Variants in NGDN observed in about 807,000 individuals in gnomAD.
NGDN encodes EIF4E-binding protein.
Under a neutral mutation model 45.2 loss-of-function variants are expected in NGDN, and 41 were observed. That is an observed-to-expected ratio of 0.91 (90% CI 0.71 to 1.18). The LOEUF (loss-of-function observed/expected upper bound fraction) is 1.18, where lower values mean the gene tolerates loss of function less well. Among genes scored for constraint, NGDN ranks in the 50% most tolerant of loss-of-function variants. The pLI is 0.00. For missense variants in NGDN, 402 were observed against 399.9 expected, an observed-to-expected ratio of 1.01 and a Z score of -0.05; for synonymous variants, 137 against 130.9, an observed-to-expected ratio of 1.05 and a Z score of -0.32.
chr14:23,474,925 G>A (rs1356635042), intron 3 of NGDN, among the ~76,000 whole-genome samples: 1 of 152,098 alleles, frequency 6.6e-6, no homozygotes, highest in Non-Finnish European at 1.5e-5. Flanking sequence ...TTTTGGGGGG[G>A]TAGTTTATTG....
At chr14:23,473,578 G>A (rs1471300034) in intron 3 of NGDN, among the ~76,000 whole-genome samples, 1 of 152,006 alleles carries the variant, frequency 6.6e-6, no homozygotes, top group Non-Finnish European at 1.5e-5. Context: ...TGTAATCCCA[G>A]TGCTTTGGGA....
Position 23,471,195 on chromosome 14 carries a change from A to C in NGDN, c.144+218A>C, listed in dbSNP as rs1893770106. 5.2e-5 allele frequency: 20 copies of C among 387,236 alleles called. No homozygotes were observed. The East Asian group carries it at 7.6e-4, about 15-fold the overall frequency. 24.0% of individuals were successfully genotyped at this position (387,236 alleles called of 1,614,324 possible). A position where few individuals can be genotyped will look rare whatever the true frequency, so the allele number is the denominator to read the frequency against. On this transcript the variant is annotated intron_variant, in intron 3 of 10. Coordinates refer to ENST00000408901, the MANE Select transcript of NGDN (RefSeq NM_001042635.2). ...TACAGAGTTATGAGTCTCCAGCCAA[A>C]GAGAGGGATTAATTAACTGCCAGAA...
chr14:23,472,499 G>GA (rs1273157553), intron 3 of NGDN, among the ~76,000 whole-genome samples: 2 of 152,008 alleles, frequency 1.3e-5, no homozygotes, highest in African/African-American at 4.8e-5. Context: ...GACTCCATCT[G>GA]AAAAAAACAA....
At position 23,469,735 on chromosome 14, in the gene NGDN, T is replaced by A. The variant is rs775156781; in HGVS notation, c.12+8T>A. ...GCGAAGATGGCGGCGCTGGTGAGTT[T>A]GGTGTGGTTTCTTCCTCGCGTAGCT... On this transcript the variant is annotated splice_region_variant and intron_variant, in intron 1 of 10. Coordinates refer to ENST00000408901, the MANE Select transcript of NGDN (RefSeq NM_001042635.2). 2.5e-6 allele frequency: 4 copies of A among 1,614,140 alleles called. No individual in the cohort carries two copies. Among genetic ancestry groups the A allele is most frequent in the Non-Finnish European group, 3.4e-6 (4 of 1,180,004 alleles).
Position 23,476,111 on chromosome 14 carries a change from C to CT in NGDN, c.504dup (p.Lys169Ter), listed in dbSNP as rs1893896257. ...GGGAAGAAATCTGTGAAGGGAGTGT[C>CT]TAAGAAATATGTTCCTCCACGCTTG... is the stretch of plus-strand genomic sequence containing the variant. On this transcript the variant is annotated frameshift_variant, in exon 7 of 11. Coordinates refer to ENST00000408901, the MANE Select transcript of NGDN (RefSeq NM_001042635.2). LOFTEE classifies it high-confidence loss of function. 1.9e-6 allele frequency: 3 copies of CT among 1,614,126 alleles called. No individual in the cohort carries two copies. Among genetic ancestry groups the CT allele is most frequent in the Non-Finnish European group, 2.5e-6 (3 of 1,179,982 alleles).
At position 23,476,245 on chromosome 14, in the gene NGDN, C is replaced by T; in HGVS notation, c.551C>T (p.Thr184Ile). The change falls in exon 8 of 11, where the codon ACA becomes ATA. Residue 184 changes from threonine (T) to isoleucine (I), a missense_variant. Physicochemically the swap from Thr to Ile is moderately conservative, Grantham distance 89. Coordinates refer to ENST00000408901, the MANE Select transcript of NGDN (RefSeq NM_001042635.2). ...PRLVPVHYDE[T>I]EAEREKKRLE... ...GCTTATTTTCATCATGTAGATGAAACAGAAGCTGAGCGGGAGAAGAAGCGT... is the reference window on the plus strand; with the variant it reads ...GCTTATTTTCATCATGTAGATGAAATAGAAGCTGAGCGGGAGAAGAAGCGT... The T allele has an allele frequency of 6.2e-7, 1 of 1,614,026 alleles. No homozygotes were observed. The highest frequency in any genetic ancestry group is 8.5e-7 in the Non-Finnish European group (1 of 1,179,948).
At position 23,475,460 on chromosome 14, in the gene NGDN, A is replaced by G. The variant is rs564499749; in HGVS notation, c.283-98A>G. The G allele has an allele frequency of 1.4e-4, 189 of 1,383,252 alleles. 1 individual carries two copies. The East Asian group carries it at 3.8e-3, about 28-fold the overall frequency. 85.7% of individuals were successfully genotyped at this position (1,383,252 alleles called of 1,614,324 possible). A position where few individuals can be genotyped will look rare whatever the true frequency, so the allele number is the denominator to read the frequency against. On this transcript the variant is annotated intron_variant, in intron 4 of 10. Transcript: ENST00000408901. ...TCTATTCATTTGCTCTACTTTGTAC[A>G]TATTTTAGGTGCCTTATGTGGCACC...
rs912103780 is a variant in NGDN at position 23,477,273 on chromosome 14, A to T, written c.787A>T (p.Asn263Tyr). Reference sequence around the variant, plus strand: ...AGAGAAAGGACGGCGAAAACGAGCAAATGTCATGAGCTCACAACTTCATTC... The same window carrying T: ...AGAGAAAGGACGGCGAAAACGAGCATATGTCATGAGCTCACAACTTCATTC... ...KREKGRRKRA[N>Y]VMSSQLHSLT... Residue 263 changes from asparagine (N) to tyrosine (Y), a missense_variant, in exon 9 of 11, where the codon AAT becomes TAT. Asn to Tyr is a moderately radical substitution (Grantham distance 143). Coordinates refer to ENST00000408901, the MANE Select transcript of NGDN (RefSeq NM_001042635.2). 31 of 1,614,086 alleles carry T rather than the reference A, an allele frequency of 1.9e-5. No homozygotes were observed. Among genetic ancestry groups the T allele is most frequent in the Non-Finnish European group, 2.3e-5 (27 of 1,180,034 alleles).
intron 2 of NGDN, among the ~76,000 whole-genome samples, chr14:23,470,456 A>G (rs144090295): frequency 6.6e-5 from 10 of 152,354 alleles, no homozygotes; most frequent in Non-Finnish European, 1.2e-4. Context: ...ACCCATTGTA[A>G]TTCGAAAACC....
chr14:23,472,577 G>A (rs901780646), intron 3 of NGDN, among the ~76,000 whole-genome samples: 1 of 152,190 alleles, frequency 6.6e-6, no homozygotes, highest in African/African-American at 2.4e-5. Context: ...GGGATTACTG[G>A]TTGGGGGCAA....
In NGDN at chr14:23,475,250, C is replaced by T; in HGVS notation, c.224C>T (p.Ala75Val). ...MDLTHLILDK[A>V]SGGSLQGHDA... ...TTGACCCACCTCATTCTGGACAAAG[C>T]CTCAGGAGGATCTCTTCAGGGACAT... Residue 75 changes from alanine to valine, a missense_variant, in exon 4 of 11, where the codon GCC becomes GTC. Ala to Val is a moderately conservative substitution (Grantham distance 64). Transcript: ENST00000408901. 6.2e-7 allele frequency: 1 copy of T among 1,614,072 alleles called. No individual in the cohort carries two copies. Among genetic ancestry groups the T allele is most frequent in the Non-Finnish European group, 8.5e-7 (1 of 1,179,948 alleles).
chr14:23,475,168 CAG>C lies in NGDN; in HGVS notation c.145-2_145-1del. The C allele has an allele frequency of 1.2e-6, 2 of 1,609,944 alleles. No homozygotes were observed. Among genetic ancestry groups the C allele is most frequent in the Non-Finnish European group, 1.7e-6 (2 of 1,178,736 alleles). On this transcript the variant is annotated splice_acceptor_variant, in intron 3 of 10. Coordinates refer to ENST00000408901, the MANE Select transcript of NGDN (RefSeq NM_001042635.2). LOFTEE classifies it high-confidence loss of function. ...GTTTTTCTTTCTGTTTTGTTCAACT[CAG>C]GGTCTCAGCTTCTTGGAAGTGAAAG...
Position 23,470,045 on chromosome 14 carries a change from G to A in NGDN, c.16G>A (p.Val6Met), listed in dbSNP as rs1442304703. MAALG[V>M]LESDLPSAVT... ...ACGCCTCCTCTCCCTTCTGTAGGGG[G>A]TGCTGGAGTCCGACCTGCCAAGTGC... Residue 6 changes from valine to methionine, a missense_variant, in exon 2 of 11, where the codon GTG becomes ATG. Coordinates refer to ENST00000408901, the MANE Select transcript of NGDN (RefSeq NM_001042635.2). 1 of 1,613,960 alleles carries A rather than the reference G, an allele frequency of 6.2e-7. No homozygotes were observed. The highest frequency in any genetic ancestry group is 2.2e-5 in the East Asian group (1 of 44,878).
Position 23,477,323 on chromosome 14 carries a change from T to G in NGDN, c.837T>G (p.Ser279Arg). Residue 279 changes from serine (S) to arginine (R), a missense_variant, in exon 9 of 11, where the codon AGT becomes AGG. By Grantham distance (110) the Ser-to-Arg change is moderately radical. Coordinates refer to ENST00000408901, the MANE Select transcript of NGDN (RefSeq NM_001042635.2). ...CCCTTACACACTTCAGTGACATCAG[T>G]GCTTTGACAGGGGGAACTGTTCATC... ...LHSLTHFSDI[S>R]ALTGGTVHLD... The G allele has an allele frequency of 6.2e-7, 1 of 1,614,210 alleles. No homozygotes were observed. The highest frequency in any genetic ancestry group is 8.5e-7 in the Non-Finnish European group (1 of 1,180,026).
intron 3 of NGDN, among the ~76,000 whole-genome samples, chr14:23,473,133 G>C (rs894091412): frequency 6.6e-6 from 1 of 152,132 alleles, no homozygotes; most frequent in African/African-American, 2.4e-5. Context: ...CCGAGTAGCT[G>C]GGATTACAGG....
At chr14:23,475,672 G>A (rs1429940698) in intron 5 of NGDN, 30 bp downstream of exon 5, 2 of 1,613,582 alleles carry the variant, frequency 1.2e-6, no homozygotes, top group African/African-American at 1.3e-5. Context: ...TGAAGTTGTG[G>A]GGACCATCAG....
intron 10 of NGDN, chr14:23,477,766 C>T: frequency 1.4e-6 from 2 of 1,456,050 alleles, no homozygotes; most frequent in Non-Finnish European, 1.8e-6. Flanking sequence ...GATTCTGCCT[C>T]TAAGGTCCCA....
At chr14:23,470,840 C>T (rs1453240448) in intron 2 of NGDN, 66 bp from the exon 3 acceptor site, 3 of 1,275,104 alleles carry the variant, frequency 2.4e-6, no homozygotes, top group Non-Finnish European at 3.3e-6. Context: ...TTAGCTTTTG[C>T]TCTTCACAGT....
rs1893926859 is a variant in NGDN, at chr14:23,477,330, A to G, written c.844A>G (p.Thr282Ala). The part of the protein sequence containing the change: ...LTHFSDISAL[T>A]GGTVHLDEDQ... ...ACACTTCAGTGACATCAGTGCTTTG[A>G]CAGGGGGAACTGTTCATCTTGATGA... Residue 282 changes from threonine to alanine, a missense_variant, in exon 9 of 11, where the codon ACA (threonine) becomes GCA (alanine). Transcript: ENST00000408901. 3.1e-6 allele frequency: 5 copies of G among 1,614,212 alleles called. No individual in the cohort carries two copies. The East Asian group carries it at 8.9e-5, about 29-fold the overall frequency.
Sources: allele counts gnomAD v4.1 joint callset (sites outside exome capture counted in the v4.1 genomes callset), GRCh38; gene constraint gnomAD v4.1.1; transcripts MANE v1.5; gene names NCBI Gene and HGNC (gene_info 2026-07-23, HGNC 2026-07-21).